The following EPHA3 variants were observed in gnomAD, a reference collection of about 807,000 sequenced individuals.
The protein encoded by EPHA3 is EPH receptor A3.
In EPHA3, 42 loss-of-function variants were observed where a neutral mutation model predicts 107.1. The observed-to-expected ratio is 0.39, with a 90% CI of 0.31 to 0.51. The LOEUF (loss-of-function observed/expected upper bound fraction) is 0.51, where lower values mean the gene tolerates loss of function less well. EPHA3 is among the 20% of genes least tolerant of loss of function. The pLI is 0.78. For synonymous variants in EPHA3, 461 were observed against 424.8 expected (o/e 1.09, Z -1.05); for missense variants, 1,183 against 1,211.2 (o/e 0.98, Z 0.35).
At chr3:89,386,752 G>A (rs1708631161) in intron 5 of EPHA3, among the ~76,000 whole-genome samples, 1 of 152,206 alleles carries the variant, frequency 6.6e-6, no homozygotes. Context: ...GCCCATGAAA[G>A]TAAATGGGAG....
intron 5 of EPHA3, among the ~76,000 whole-genome samples, chr3:89,357,209 C>CAAAA (rs945494364): frequency 7.3e-6 from 1 of 136,758 alleles, no homozygotes; most frequent in African/African-American, 2.7e-5. Context: ...CAGGTGGCAA[C>CAAAA]AAATGTTCTA....
chr3:89,337,466 G>A (rs571944910), intron 3 of EPHA3, among the ~76,000 whole-genome samples: 1 of 152,286 alleles, frequency 6.6e-6, no homozygotes, highest in East Asian at 1.9e-4. Context: ...ATTTAATTGA[G>A]ATGGTACATA....
intron 3 of EPHA3, among the ~76,000 whole-genome samples, chr3:89,218,132 TTTATTATTA>T (rs148902822): frequency 1.3e-5 from 2 of 150,932 alleles, no homozygotes; most frequent in African/African-American, 4.9e-5. Context: ...CATCTTGGAT[TTTATTATTA>T]TTATTATTAT....
At chr3:89,131,215 A>G (rs370753997) in intron 2 of EPHA3, among the ~76,000 whole-genome samples, 1 of 152,284 alleles carries the variant, frequency 6.6e-6, no homozygotes, top group African/African-American at 2.4e-5. Context: ...GACTTTAGCA[A>G]AGCAGACTGA....
intron 3 of EPHA3, among the ~76,000 whole-genome samples, chr3:89,287,356 A>T (rs1706113077): frequency 6.6e-6 from 1 of 152,160 alleles, no homozygotes; most frequent in Admixed American, 6.6e-5. Context: ...TTGAAATTAT[A>T]AACCAAATCA....
intron 2 of EPHA3, among the ~76,000 whole-genome samples, chr3:89,146,756 T>C (rs1704567750): frequency 6.6e-6 from 1 of 151,980 alleles, no homozygotes; most frequent in Non-Finnish European, 1.5e-5. Context: ...GGTTTTCTTC[T>C]AGGGTTTTTA....
chr3:89,237,814 C>T (rs1199266873), intron 3 of EPHA3, among the ~76,000 whole-genome samples: 1 of 151,800 alleles, frequency 6.6e-6, no homozygotes, highest in Admixed American at 6.6e-5. Flanking sequence ...AAAAATAAAA[C>T]AAAATTTAAA....
At chr3:89,168,328 A>G (rs1206959107) in intron 2 of EPHA3, among the ~76,000 whole-genome samples, 1 of 152,104 alleles carries the variant, frequency 6.6e-6, no homozygotes, top group African/African-American at 2.4e-5. Context: ...AACTTTGACA[A>G]CTGTGGTATT....
chr3:89,138,468 T>G (rs77596327), intron 2 of EPHA3, among the ~76,000 whole-genome samples: 2,544 of 151,952 alleles, frequency 0.017, 63 homozygotes, highest in African/African-American at 0.056. Flanking sequence ...AATACAGAAT[T>G]GGAAAGTCCC....
chr3:89,409,588 T>G (rs1348872745), intron 9 of EPHA3, among the ~76,000 whole-genome samples: 1 of 152,076 alleles, frequency 6.6e-6, no homozygotes, highest in South Asian at 2.1e-4. Flanking sequence ...TTTAATTTTT[T>G]TCAAATGCAC....
intron 11 of EPHA3, among the ~76,000 whole-genome samples, chr3:89,428,424 A>T (rs1709498870): frequency 6.6e-6 from 1 of 152,116 alleles, no homozygotes; most frequent in Non-Finnish European, 1.5e-5. Flanking sequence ...TAAAGGTTTC[A>T]TGGTATTTTA....
chr3:89,413,184 T>C lies in EPHA3; in HGVS notation c.1806T>C (p.Tyr602=). ...GLRTYVDPHT[Y]EDPTQAVHEF... The stretch of plus-strand genomic sequence containing the variant: ...GGACTTATGTTGACCCACATACATA[T>C]GAAGACCCTACCCAAGCTGTTCATG... The change falls in exon 10 of 17, where the codon TAT becomes TAC. Residue 602 remains tyrosine (Y), a synonymous_variant. Coordinates refer to ENST00000336596, the MANE Select transcript of EPHA3 (RefSeq NM_005233.6). The C allele has an allele frequency of 6.2e-7, 1 of 1,611,782 alleles. No individual in the cohort carries two copies. Among genetic ancestry groups the C allele is most frequent in the Non-Finnish European group, 8.5e-7 (1 of 1,178,436 alleles).
At chr3:89,141,207 A>C (rs536362553) in intron 2 of EPHA3, among the ~76,000 whole-genome samples, 1 of 151,756 alleles carries the variant, frequency 6.6e-6, no homozygotes. Context: ...ACAGAGCCTC[A>C]TACATTATGC....
intron 2 of EPHA3, among the ~76,000 whole-genome samples, chr3:89,184,502 T>C (rs570303843): frequency 3.0e-4 from 46 of 152,032 alleles, no homozygotes; most frequent in Non-Finnish European, 4.9e-4. Context: ...TCTATAATCA[T>C]ATGCAGAAAT....
At chr3:89,204,781 C>G (rs1360287085) in intron 2 of EPHA3, among the ~76,000 whole-genome samples, 1 of 152,090 alleles carries the variant, frequency 6.6e-6, no homozygotes, top group East Asian at 1.9e-4. Context: ...AATGCTGCTG[C>G]CTGGTAAATG....
intron 3 of EPHA3, among the ~76,000 whole-genome samples, chr3:89,218,100 G>A (rs1426415652): frequency 6.6e-6 from 1 of 151,976 alleles, no homozygotes; most frequent in Non-Finnish European, 1.5e-5. Flanking sequence ...GGGGGAAGGA[G>A]GATATAGTTC....
chr3:89,112,461 AT>A (rs1353549163), intron 1 of EPHA3, among the ~76,000 whole-genome samples: 4 of 152,050 alleles, frequency 2.6e-5, no homozygotes, highest in Admixed American at 6.5e-5. Context: ...GGGTCCGACC[AT>A]TTTTAATACT....
intron 3 of EPHA3, among the ~76,000 whole-genome samples, chr3:89,250,250 G>T (rs1277339154): frequency 6.6e-6 from 1 of 152,104 alleles, no homozygotes; most frequent in Non-Finnish European, 1.5e-5. Context: ...TATTAGCAAA[G>T]CTTCTTTATT....
chr3:89,384,811 T>C (rs1361471819), intron 5 of EPHA3, among the ~76,000 whole-genome samples: 3 of 152,128 alleles, frequency 2.0e-5, no homozygotes, highest in Admixed American at 2.0e-4. Flanking sequence ...CATACACAAA[T>C]ATTTAGATGA....
Sources: allele counts gnomAD v4.1 joint callset (sites outside exome capture counted in the v4.1 genomes callset), GRCh38; gene constraint gnomAD v4.1.1; transcripts MANE v1.5; gene names NCBI Gene and HGNC (gene_info 2026-07-23, HGNC 2026-07-21).